The following SLC3A1 variants were observed in gnomAD, a reference collection of about 807,000 sequenced individuals.
The protein encoded by SLC3A1 is solute carrier family 3 member 1.
Under a neutral mutation model 60.3 loss-of-function variants are expected in SLC3A1, and 78 were observed. That is an observed-to-expected ratio of 1.29 (90% CI 1.08 to 1.56). The LOEUF (loss-of-function observed/expected upper bound fraction) is 1.56, where lower values mean the gene tolerates loss of function less well. SLC3A1 is among the 40% of genes most tolerant of loss of function. The pLI is 0.00. For synonymous variants in SLC3A1, 392 were observed against 307.9 expected (o/e 1.27, Z -2.86); for missense variants, 1,172 against 858.9 (o/e 1.36, Z -4.56).
At chr2:44,300,863 T>C (rs1671985203) in intron 5 of SLC3A1, 140 bp from the exon 6 acceptor site, 1 of 883,220 alleles carries the variant, frequency 1.1e-6, no homozygotes, top group African/African-American at 1.6e-5. Context: ...GAAGCATTCT[T>C]CTCCATCCAC....
At chr2:44,281,636 G>A in intron 3 of SLC3A1, 95 bp downstream of exon 3, 1 of 1,202,658 alleles carries the variant, frequency 8.3e-7, no homozygotes, top group Non-Finnish European at 1.2e-6. Flanking sequence ...AAAAATGAAT[G>A]AATATAGTTT....
At chr2:44,302,918 G>T (rs1049099193) in intron 6 of SLC3A1, among the ~76,000 whole-genome samples, 7 of 152,128 alleles carry the variant, frequency 4.6e-5, no homozygotes, top group Admixed American at 4.6e-4. Flanking sequence ...AAAAGAACAG[G>T]CTTGGTGCGG....
rs1424026668 is a variant in SLC3A1 at position 44,320,738 on chromosome 2, ATTCT to A, written c.*101_*104del. On this transcript the variant is annotated 3_prime_UTR_variant, in exon 10 of 10. Coordinates refer to ENST00000260649, the MANE Select transcript of SLC3A1 (RefSeq NM_000341.4). ...CATGCTGCTTGGTGAACAATCATTA[ATTCT>A]TCGATATTTCTGTAGCTTGAATGTA... 6 of 923,192 alleles carry A rather than the reference ATTCT, an allele frequency of 6.5e-6. No individual in the cohort carries two copies. Among genetic ancestry groups the A allele is most frequent in the African/African-American group, 1.6e-5 (1 of 61,338 alleles). The allele number at this position is 923,192 out of a possible 1,614,324, so 57.2% of individuals were successfully genotyped here.
chr2:44,293,952 G>T (rs1487591323), intron 4 of SLC3A1, among the ~76,000 whole-genome samples: 1 of 47,270 alleles, frequency 2.1e-5, no homozygotes, highest in Non-Finnish European at 5.4e-5. Context: ...AAGCACTTAG[G>T]ATGCTATTTT....
chr2:44,301,114 C>A lies in SLC3A1; in HGVS notation c.1123C>A (p.Pro375Thr), dbSNP rs1176576380. ...RQTMDQYSTEPGRYRFMGTEA... is the reference protein window; with the variant it reads ...RQTMDQYSTETGRYRFMGTEA... ...GACCATGGACCAATACAGCACGGAG[C>A]CCGGCAGATACAGGTTGACCACGGC... The change falls in exon 6 of 10, where the codon CCC becomes ACC. Residue 375 changes from proline (P) to threonine (T), a missense_variant. Transcript: ENST00000260649. 3 of 1,610,974 alleles carry A rather than the reference C, an allele frequency of 1.9e-6. No homozygotes were observed. Among genetic ancestry groups the A allele is most frequent in the Admixed American group, 1.7e-5 (1 of 59,872 alleles).
intron 6 of SLC3A1, 113 bp downstream of exon 6, chr2:44,301,240 T>TA (rs781532700): frequency 9.1e-5 from 121 of 1,327,716 alleles, no homozygotes; most frequent in Non-Finnish European, 1.3e-4. Flanking sequence ...CAAGCCTGCA[T>TA]AACTCTAATT....
At chr2:44,297,684 C>T (rs1378364167) in intron 4 of SLC3A1, among the ~76,000 whole-genome samples, 1 of 152,164 alleles carries the variant, frequency 6.6e-6, no homozygotes, top group Non-Finnish European at 1.5e-5. Flanking sequence ...CTCAATATGT[C>T]ATTCTTTCAT....
At chr2:44,303,043 AC>A (rs1279379540) in intron 6 of SLC3A1, among the ~76,000 whole-genome samples, 3 of 151,804 alleles carry the variant, frequency 2.0e-5, no homozygotes, top group Non-Finnish European at 4.4e-5. Flanking sequence ...TACTAAAAAC[AC>A]AAAAAAATTA....
chr2:44,312,515 T>A, intron 7 of SLC3A1, 71 bp from the exon 8 acceptor site: 4 of 1,544,952 alleles, frequency 2.6e-6, no homozygotes, highest in Non-Finnish European at 3.6e-6. Flanking sequence ...TTGTGAACTT[T>A]CTGTGAAATA....
Position 44,320,579 on chromosome 2 carries a change from C to G in SLC3A1, c.1998C>G (p.Cys666Trp). The change falls in exon 10 of 10, where the codon TGC (cysteine) becomes TGG (tryptophan). Residue 666 changes from cysteine to tryptophan, a missense_variant. Cys to Trp is a radical substitution (Grantham distance 215). Transcript: ENST00000260649. ...LHRQTAFRDRCFVSNRACYSS... is the reference protein window; with the variant it reads ...LHRQTAFRDRWFVSNRACYSS... ...GCCAAACAGCTTTCAGAGATAGATG[C>G]TTTGTTTCCAATCGAGCATGCTATT... The G allele has an allele frequency of 8.7e-6, 14 of 1,614,048 alleles. No homozygotes were observed. Among genetic ancestry groups the G allele is most frequent in the Non-Finnish European group, 1.2e-5 (14 of 1,179,940 alleles).
chr2:44,305,509 C>T (rs1175410506), intron 7 of SLC3A1, among the ~76,000 whole-genome samples: 2 of 149,982 alleles, frequency 1.3e-5, no homozygotes, highest in Non-Finnish European at 3.0e-5. Context: ...CTTACTGCAA[C>T]CTCCACCTCC....
intron 3 of SLC3A1, among the ~76,000 whole-genome samples, chr2:44,284,115 T>G (rs1420262245): frequency 6.6e-6 from 1 of 152,216 alleles, no homozygotes; most frequent in Non-Finnish European, 1.5e-5. Flanking sequence ...GGTCTTGCTC[T>G]GTCGCCCAGG....
In SLC3A1 at chr2:44,320,552, T is replaced by A. The variant is rs780297364; in HGVS notation, c.1971T>A (p.His657Gln). Reference protein sequence around the residue: ...IFEHNTKNLLHRQTAFRDRCF... With the variant: ...IFEHNTKNLLQRQTAFRDRCF... ...AACACAACACGAAGAATCTCCTTCATCGCCAAACAGCTTTCAGAGATAGAT... is the reference window on the plus strand; with the variant it reads ...AACACAACACGAAGAATCTCCTTCAACGCCAAACAGCTTTCAGAGATAGAT... The change falls in exon 10 of 10, where the codon CAT (histidine) becomes CAA (glutamine). Residue 657 changes from histidine (H) to glutamine (Q), a missense_variant. His to Gln is a conservative substitution (Grantham distance 24). Coordinates refer to ENST00000260649, the MANE Select transcript of SLC3A1 (RefSeq NM_000341.4). The A allele has an allele frequency of 6.2e-7, 1 of 1,614,062 alleles. No individual in the cohort carries two copies. Among genetic ancestry groups the A allele is most frequent in the Non-Finnish European group, 8.5e-7 (1 of 1,179,938 alleles).
intron 7 of SLC3A1, among the ~76,000 whole-genome samples, chr2:44,308,174 G>T (rs1672205253): frequency 6.6e-6 from 1 of 152,118 alleles, no homozygotes; most frequent in South Asian, 2.1e-4. Context: ...AAAATCAGTT[G>T]ATTAGATTTC....
intron 4 of SLC3A1, among the ~76,000 whole-genome samples, chr2:44,290,851 A>T (rs1671726349): frequency 6.6e-6 from 1 of 151,946 alleles, no homozygotes; most frequent in African/African-American, 2.4e-5. Flanking sequence ...CAGACTAACT[A>T]GGGGTTAGTT....
At chr2:44,285,457 G>T (rs1352859424) in intron 3 of SLC3A1, 3 of 334,272 alleles carry the variant, frequency 9.0e-6, no homozygotes, top group Non-Finnish European at 1.8e-5. Context: ...GTCATACCAT[G>T]GGGCCATAAA....
At chr2:44,292,152 G>C (rs963484470) in intron 4 of SLC3A1, among the ~76,000 whole-genome samples, 1 of 152,062 alleles carries the variant, frequency 6.6e-6, no homozygotes, top group African/African-American at 2.4e-5. Flanking sequence ...GCCTGGCCTC[G>C]TATCTGGGGT....
chr2:44,311,469 T>G (rs1331527755), intron 7 of SLC3A1, among the ~76,000 whole-genome samples: 1 of 152,178 alleles, frequency 6.6e-6, no homozygotes, highest in African/African-American at 2.4e-5. Context: ...TTGTTGTTGT[T>G]AAAAACCGGA....
chr2:44,299,303 T>C (rs1285317370), intron 4 of SLC3A1, among the ~76,000 whole-genome samples: 1 of 152,228 alleles, frequency 6.6e-6, no homozygotes, highest in Non-Finnish European at 1.5e-5. Flanking sequence ...CCTCCCAGAG[T>C]GCTGGGATTA....
Sources: gnomAD v4.1 joint callset for allele counts (sites outside exome capture counted in the v4.1 genomes callset) on GRCh38, gnomAD v4.1.1 for gene constraint, MANE v1.5 for transcripts, NCBI Gene and HGNC (gene_info 2026-07-23, HGNC 2026-07-21) for gene names.